NCAM2: variants seen among roughly 807,000 people sequenced by gnomAD.
NCAM2 encodes the protein N-CAM-2.
NCAM2 carries 30 observed loss-of-function variants against 98.1 expected under a neutral mutation model. The ratio of observed to expected loss-of-function variants is 0.31; its 90% confidence interval spans 0.23 to 0.41. The LOEUF (loss-of-function observed/expected upper bound fraction) is 0.41, where lower values mean the gene tolerates loss of function less well. Among genes scored for constraint, NCAM2 ranks in the 10% least tolerant of loss-of-function variants. NCAM2 has a pLI of 1.00. For synonymous variants in NCAM2, 368 were observed against 342.4 expected (o/e 1.07, Z -0.83); for missense variants, 867 against 1,005.8 (o/e 0.86, Z 1.87).
rs118095074 is a variant in NCAM2 at position 21,407,303 on chromosome 21, G to A, written c.1196-2971G>A. 1.9e-3 allele frequency among the ~76,000 whole-genome samples: 294 copies of A among 152,256 alleles called. 1 individual carries two copies. Among genetic ancestry groups the A allele is most frequent in the African/African-American group, 6.7e-3 (280 of 41,546 alleles). ...AGTTTCTGTTTTATTATAGACCGGC[G>A]TTATCAATATTTTCTTGCTTGATAC... On this transcript the variant is annotated intron_variant, in intron 9 of 17. Coordinates refer to ENST00000400546, the MANE Select transcript of NCAM2 (RefSeq NM_004540.5).
chr21:21,056,729 C>T (rs1474045669), intron 1 of NCAM2, among the ~76,000 whole-genome samples: 2 of 151,918 alleles, frequency 1.3e-5, no homozygotes, highest in African/African-American at 4.8e-5. Flanking sequence ...GAAATTGTTG[C>T]TACTCATAGA....
At chr21:21,180,506 A>G (rs964602710) in intron 1 of NCAM2, among the ~76,000 whole-genome samples, 27 of 152,156 alleles carry the variant, frequency 1.8e-4, no homozygotes, top group African/African-American at 5.5e-4. Context: ...ATTATAGTCA[A>G]ATAGGTAAAT....
intron 1 of NCAM2, among the ~76,000 whole-genome samples, chr21:21,029,285 T>TG (rs1220168126): frequency 3.9e-5 from 6 of 152,370 alleles, no homozygotes; most frequent in Admixed American, 1.3e-4. Flanking sequence ...AGGTGTACTC[T>TG]GACTTAATCA....
At chr21:21,348,710 A>G (rs1053895261) in intron 8 of NCAM2, among the ~76,000 whole-genome samples, 1 of 152,166 alleles carries the variant, frequency 6.6e-6, no homozygotes, top group African/African-American at 2.4e-5. Context: ...ATTAACCAAA[A>G]CATCATGATA....
At chr21:21,103,653 G>C (rs1263530421) in intron 1 of NCAM2, among the ~76,000 whole-genome samples, 1 of 151,938 alleles carries the variant, frequency 6.6e-6, no homozygotes, top group East Asian at 1.9e-4. Context: ...TCAGTTTGTT[G>C]GTTATGTTGT....
At chr21:21,210,462 T>C in intron 1 of NCAM2, 1 of 1,157,988 alleles carries the variant, frequency 8.6e-7, no homozygotes, top group Non-Finnish European at 1.1e-6. Context: ...ACATATTTAC[T>C]GTAAGAATTC....
intron 11 of NCAM2, among the ~76,000 whole-genome samples, chr21:21,422,656 T>C (rs1194417515): frequency 6.6e-6 from 1 of 151,872 alleles, no homozygotes; most frequent in Non-Finnish European, 1.5e-5. Context: ...ATATGAAATA[T>C]TTCACATATG....
chr21:21,448,375 C>T (rs1980513013), intron 12 of NCAM2, among the ~76,000 whole-genome samples: 2 of 151,938 alleles, frequency 1.3e-5, no homozygotes. Flanking sequence ...GGGAAAGATA[C>T]ACACCAGGGC....
chr21:21,071,874 T>C (rs1398468635), intron 1 of NCAM2, among the ~76,000 whole-genome samples: 33 of 7,228 alleles, frequency 4.6e-3, no homozygotes, highest in African/African-American at 9.3e-3. Context: ...TGTCTGCCTA[T>C]CTATCTATCT....
At chr21:21,008,961 AAT>A (rs2064157706) in intron 1 of NCAM2, among the ~76,000 whole-genome samples, 1 of 152,170 alleles carries the variant, frequency 6.6e-6, no homozygotes, top group Non-Finnish European at 1.5e-5. Context: ...AAGATGAGAT[AAT>A]ATACCTGAAT....
chr21:21,460,021 G>C (rs940235740), intron 12 of NCAM2, among the ~76,000 whole-genome samples: 2 of 151,836 alleles, frequency 1.3e-5, no homozygotes, highest in African/African-American at 4.8e-5. Flanking sequence ...GATTATTTCA[G>C]AGTGTATGCA....
chr21:21,439,188 A>G (rs1262856972), intron 12 of NCAM2, among the ~76,000 whole-genome samples: 1 of 151,382 alleles, frequency 6.6e-6, no homozygotes. Flanking sequence ...GCACAATCAT[A>G]GCTCACTACA....
At chr21:21,273,306 G>A (rs2072600707) in intron 1 of NCAM2, among the ~76,000 whole-genome samples, 2 of 151,834 alleles carry the variant, frequency 1.3e-5, no homozygotes, top group Admixed American at 1.3e-4. Flanking sequence ...TGTAGTACAG[G>A]AAGATAGATA....
At chr21:21,475,527 G>A (rs557257325) in intron 14 of NCAM2, among the ~76,000 whole-genome samples, 8 of 152,160 alleles carry the variant, frequency 5.3e-5, no homozygotes, top group Non-Finnish European at 1.2e-4. Context: ...TAGCATAGCT[G>A]CCCTAAGCAT....
intron 13 of NCAM2, 131 bp from the exon 14 acceptor site, chr21:21,468,531 G>C: frequency 1.3e-6 from 1 of 791,824 alleles, no homozygotes; most frequent in South Asian, 3.6e-5. Context: ...ATCACAAAAG[G>C]GCAATGTCAA....
chr21:21,420,094 GC>G (rs1276023081), intron 11 of NCAM2, among the ~76,000 whole-genome samples: 1 of 151,906 alleles, frequency 6.6e-6, no homozygotes, highest in East Asian at 1.9e-4. Context: ...AAATTAAAAA[GC>G]AAAACACTCT....
chr21:21,203,801 CT>C (rs368618681), intron 1 of NCAM2, among the ~76,000 whole-genome samples: 67 of 152,134 alleles, frequency 4.4e-4, no homozygotes, highest in African/African-American at 1.5e-3. Flanking sequence ...GTATTGAGAT[CT>C]TTTTATGTTT....
At chr21:21,112,226 CT>C (rs1465602399) in intron 1 of NCAM2, among the ~76,000 whole-genome samples, 2 of 152,118 alleles carry the variant, frequency 1.3e-5, no homozygotes, top group African/African-American at 4.8e-5. Context: ...TACCCAGCCC[CT>C]ATCCTCCCTC....
chr21:21,100,397 G>A (rs1391323871), intron 1 of NCAM2, among the ~76,000 whole-genome samples: 1 of 151,874 alleles, frequency 6.6e-6, no homozygotes, highest in African/African-American at 2.4e-5. Flanking sequence ...AAAAGCCAAG[G>A]CCAAGATAAG....
Sources: gnomAD v4.1 joint callset for allele counts (sites outside exome capture counted in the v4.1 genomes callset) on GRCh38, gnomAD v4.1.1 for gene constraint, MANE v1.5 for transcripts, NCBI Gene and HGNC (gene_info 2026-07-23, HGNC 2026-07-21) for gene names.